The following ABCB8 variants were observed in gnomAD, a reference collection of about 807,000 sequenced individuals.
ABCB8 encodes ATP binding cassette subfamily B member 8.
Under a neutral mutation model 73.0 loss-of-function variants are expected in ABCB8, and 52 were observed. That is an observed-to-expected ratio of 0.71 (90% CI 0.57 to 0.90). The LOEUF (loss-of-function observed/expected upper bound fraction) is 0.90, where lower values mean the gene tolerates loss of function less well. Among genes scored for constraint, ABCB8 ranks in the 40% least tolerant of loss-of-function variants. The probability of loss-of-function intolerance (pLI) is 0.00; values close to 1 mark genes in which losing one functional copy is unlikely to be tolerated. For missense variants in ABCB8, 909 were observed against 974.6 expected, an observed-to-expected ratio of 0.93 and a Z score of 0.90; for synonymous variants, 428 against 423.5, an observed-to-expected ratio of 1.01 and a Z score of -0.13.
At position 151,044,013 on chromosome 7, in the gene ABCB8, T is replaced by C; in HGVS notation, c.1808T>C (p.Leu603Pro). 1 of 1,612,928 alleles carries C rather than the reference T, an allele frequency of 6.2e-7. No homozygotes were observed. The highest frequency in any genetic ancestry group is 8.5e-7 in the Non-Finnish European group (1 of 1,179,812). ...CTGTCTGGGGGCCAGAAGCAGCGCC[T>C]GGCCATCGCCCGAGCCCTTATCAAG... ...TTLSGGQKQRLAIARALIKQP... is the reference protein window; with the variant it reads ...TTLSGGQKQRPAIARALIKQP... Residue 603 changes from leucine to proline, a missense_variant, in exon 15 of 16, where the codon CTG (leucine) becomes CCG (proline). Transcript: ENST00000358849.
In ABCB8 at chr7:151,046,513, C is replaced by A. The variant is rs968643588; in HGVS notation, c.*1164C>A. 2.0e-5 allele frequency: 3 copies of A among 152,278 alleles called. No homozygotes were observed. Among genetic ancestry groups the A allele is most frequent in the African/African-American group, 7.2e-5 (3 of 41,464 alleles). The allele number at this position is 152,278 out of a possible 1,614,324, so 9.4% of individuals were successfully genotyped here. On this transcript the variant is annotated 3_prime_UTR_variant, in exon 16 of 16. Coordinates refer to ENST00000358849, the MANE Select transcript of ABCB8 (RefSeq NM_007188.5). ...GCCCCAGCAGGACCTCGTGTCCCTG[C>A]ACTGCTGCAGATGCATCAGCCCTCC...
intron 14 of ABCB8, among the ~76,000 whole-genome samples, chr7:151,043,245 C>T (rs1254770038): frequency 6.6e-6 from 1 of 152,216 alleles, no homozygotes; most frequent in Non-Finnish European, 1.5e-5. Context: ...TGGGGAGGGG[C>T]ATTTGGCAAC....
chr7:151,030,644 C>A (rs992939210), intron 1 of ABCB8, among the ~76,000 whole-genome samples: 3 of 151,698 alleles, frequency 2.0e-5, no homozygotes, highest in Non-Finnish European at 4.4e-5. Flanking sequence ...ATGGTGAAAC[C>A]CCATACAAAA....
rs770744367 is a variant in ABCB8 at position 151,041,227 on chromosome 7, A to G, written c.1612A>G (p.Ser538Gly). 3.1e-6 allele frequency: 5 copies of G among 1,600,612 alleles called. No homozygotes were observed. The Admixed American group carries it at 8.4e-5, about 27-fold the overall frequency. The change falls in exon 13 of 16, where the codon AGC becomes GGC. Residue 538 changes from serine (S) to glycine (G), a missense_variant. Transcript: ENST00000358849. ...CCGGGGCCAGGTTGTCGGCTTCATC[A>G]GCCAGGTGCGGGGCCACATGGGCAG... The part of the protein sequence containing the change: ...WLRGQVVGFI[S>G]QEPVLFGTTI...
rs754657583 is a variant in ABCB8 at position 151,045,299 on chromosome 7, C to T, written c.2107C>T (p.Pro703Ser). 8 of 1,600,640 alleles carry T rather than the reference C, an allele frequency of 5.0e-6. No individual in the cohort carries two copies. The South Asian group carries it at 8.9e-5, about 18-fold the overall frequency. ...CCTGGATGCCCCGAGGACAGCGGCC[C>T]CACCGCCCAAAAAGCCAGAAGGCCC... ...QALDAPRTAA[P>S]PPKKPEGPRS... Residue 703 changes from proline to serine, a missense_variant, in exon 16 of 16, where the codon CCA becomes TCA. By Grantham distance (74) the Pro-to-Ser change is moderately conservative (BLOSUM62 -1). Transcript: ENST00000358849.
intron 1 of ABCB8, chr7:151,028,864 C>T (rs1796052890): frequency 2.6e-6 from 4 of 1,531,480 alleles, no homozygotes; most frequent in Non-Finnish European, 3.5e-6. Flanking sequence ...TCAGTGACCA[C>T]GCCCAGTCCG....
intron 2 of ABCB8, 33 bp from the exon 3 acceptor site, chr7:151,034,239 TA>T: frequency 6.3e-7 from 1 of 1,587,922 alleles, no homozygotes. Context: ...CTCCCCCACT[TA>T]AAACATTTGT....
At chr7:151,033,386 T>A (rs1295551616) in intron 1 of ABCB8, 7 of 1,385,440 alleles carry the variant, frequency 5.1e-6, no homozygotes, top group Non-Finnish European at 5.6e-6. Context: ...CTTTTAAGAC[T>A]AGATTTTGTG....
intron 9 of ABCB8, chr7:151,037,008 G>T: frequency 1.5e-6 from 1 of 687,170 alleles, no homozygotes; most frequent in Non-Finnish European, 2.7e-6. Context: ...TGGGCAGTGG[G>T]TGCACTCACA....
Position 151,033,640 on chromosome 7 carries a change from G to A in ABCB8, c.131G>A (p.Arg44Gln), listed in dbSNP as rs753305033. ...SDGYRSSSLL[R>Q]AVAHLRSQLW... ...GGCTACCGCAGCTCCTCCCTCCTCCGGGCCGTGGCCCACCTGCGGTCCCAG... is the reference window on the plus strand; with the variant it reads ...GGCTACCGCAGCTCCTCCCTCCTCCAGGCCGTGGCCCACCTGCGGTCCCAG... Residue 44 changes from arginine (R) to glutamine (Q), a missense_variant, in exon 2 of 16, where the codon CGG becomes CAG. Transcript: ENST00000358849. 6.3e-6 allele frequency: 10 copies of A among 1,598,804 alleles called. No individual in the cohort carries two copies. The highest frequency in any genetic ancestry group is 4.5e-5 in the East Asian group (2 of 44,528).
chr7:151,028,615 A>C lies in ABCB8; in HGVS notation c.95+5A>C. ...CCAGACATTCTCAGCTGTCAGGTAAAAACGGAAAAACCTACTCAGAGCGGG... is the reference window on the plus strand; with the variant it reads ...CCAGACATTCTCAGCTGTCAGGTAACAACGGAAAAACCTACTCAGAGCGGG... On this transcript the variant is annotated splice_donor_5th_base_variant and intron_variant, in intron 1 of 15. Transcript: ENST00000358849. The C allele has an allele frequency of 1.9e-6, 3 of 1,612,986 alleles. No homozygotes were observed. The highest frequency in any genetic ancestry group is 2.5e-6 in the Non-Finnish European group (3 of 1,179,924).
rs1303495012 is a variant in ABCB8, at chr7:151,033,830, A to G, written c.321A>G (p.Thr107=). 3.1e-6 allele frequency: 5 copies of G among 1,613,506 alleles called. No individual in the cohort carries two copies. In the East Asian group the frequency reaches 1.1e-4, roughly 36 times the overall value. Residue 107 remains threonine, a synonymous_variant, in exon 2 of 16, where the codon ACA becomes ACG. Coordinates refer to ENST00000358849, the MANE Select transcript of ABCB8 (RefSeq NM_007188.5). ...EAEEAPPASS[T]PHVVGSRFNW... ...AAGAGGCCCCTCCTGCCAGCTCCAC[A>G]CCCCATGTCGTGGGGTCTCGCTTTA...
At position 151,036,088 on chromosome 7, in the gene ABCB8, G is replaced by A; in HGVS notation, c.1029G>A (p.Glu343=). The change falls in exon 8 of 16, where the codon GAG becomes GAA. Residue 343 remains glutamate (E), a synonymous_variant. Transcript: ENST00000358849. ...CTCTCACCAGGCGCTATGGGGCAGA[G>A]CTGGAAGCCTGCCGCTGCCGGGCAG... The part of the protein sequence containing the change: ...EQREEERYGA[E]LEACRCRAEE... 6.2e-7 allele frequency: 1 copy of A among 1,613,020 alleles called. No homozygotes were observed. The highest frequency in any genetic ancestry group is 1.1e-5 in the South Asian group (1 of 91,072).
Position 151,047,657 on chromosome 7 carries a change from C to T in ABCB8, c.*2308C>T, listed in dbSNP as rs1796650775. 6.6e-6 allele frequency: 1 copy of T among 152,220 alleles called. No individual in the cohort carries two copies. Among genetic ancestry groups the T allele is most frequent in the South Asian group, 2.1e-4 (1 of 4,828 alleles). 9.4% of individuals were successfully genotyped at this position (152,220 alleles called of 1,614,324 possible). A position where few individuals can be genotyped will look rare whatever the true frequency, so the allele number is the denominator to read the frequency against. ...CTACCACTCATGGTCAAAAAAAGCCCACCAAAGTCCTGGGAGTTCACATCT... is the reference window on the plus strand; with the variant it reads ...CTACCACTCATGGTCAAAAAAAGCCTACCAAAGTCCTGGGAGTTCACATCT... On this transcript the variant is annotated 3_prime_UTR_variant, in exon 16 of 16. Coordinates refer to ENST00000358849, the MANE Select transcript of ABCB8 (RefSeq NM_007188.5).
At position 151,040,077 on chromosome 7, in the gene ABCB8, G is replaced by T. The variant is rs983274111; in HGVS notation, c.1218-191G>T. ...CAGCTGTCATCCTCATCTGGCCAAGGAGGGAGCCAGGGCTCAGCGATCTGG... is the reference window on the plus strand; with the variant it reads ...CAGCTGTCATCCTCATCTGGCCAAGTAGGGAGCCAGGGCTCAGCGATCTGG... On this transcript the variant is annotated intron_variant, in intron 9 of 15. Coordinates refer to ENST00000358849, the MANE Select transcript of ABCB8 (RefSeq NM_007188.5). 3 of 609,636 alleles carry T rather than the reference G, an allele frequency of 4.9e-6. No individual in the cohort carries two copies. In the African/African-American group the frequency reaches 5.7e-5, roughly 11 times the overall value. The allele number at this position is 609,636 out of a possible 1,614,324, so 37.8% of individuals were successfully genotyped here. A position where few individuals can be genotyped will look rare whatever the true frequency, so the allele number is the denominator to read the frequency against.
chr7:151,036,013 CCCTGCCAACCCTT>C (rs773601458), intron 7 of ABCB8, 46 bp downstream of exon 7: 1 of 1,612,860 alleles, frequency 6.2e-7, no homozygotes, highest in Non-Finnish European at 8.5e-7. Context: ...GCCCCCCACA[CCCTGCCAACCCTT>C]CGTGCCAGCC....
chr7:151,034,964 A>AG, intron 5 of ABCB8, 135 bp downstream of exon 5: 1 of 741,460 alleles, frequency 1.3e-6, no homozygotes, highest in Admixed American at 2.6e-5. Flanking sequence ...ACTGCCTGTG[A>AG]GGGCATGGGT....
intron 9 of ABCB8, chr7:151,037,651 C>A (rs891468740): frequency 8.2e-6 from 3 of 363,904 alleles, no homozygotes; most frequent in African/African-American, 2.1e-5. Context: ...TCCCTCCCCC[C>A]ACGACCCCCC....
In ABCB8 at chr7:151,043,663, G is replaced by A. The variant is rs181649994; in HGVS notation, c.1766-308G>A. ...CAGAGGCAGGACGAGCGTACACAGT[G>A]CGGGGTAGAGGGTCAGAGGCAGGAC... On this transcript the variant is annotated intron_variant, in intron 14 of 15. Transcript: ENST00000358849. 7.7e-3 allele frequency among the ~76,000 whole-genome samples: 1,133 copies of A among 146,322 alleles called. 10 individuals are homozygous for A. Among genetic ancestry groups the A allele is most frequent in the Non-Finnish European group, 0.012 (791 of 66,336 alleles).
Sources: allele counts gnomAD v4.1 joint callset (sites outside exome capture counted in the v4.1 genomes callset), GRCh38; gene constraint gnomAD v4.1.1; transcripts MANE v1.5; gene names NCBI Gene and HGNC (gene_info 2026-07-23, HGNC 2026-07-21).